CARS1: variants seen among roughly 807,000 people sequenced by gnomAD.
CARS1 encodes cysteine--tRNA ligase, cytoplasmic.
CARS1 carries 48 observed loss-of-function variants against 106.2 expected under a neutral mutation model. That is an observed-to-expected ratio of 0.45 (90% CI 0.36 to 0.57). The LOEUF (loss-of-function observed/expected upper bound fraction) is 0.57. CARS1 is among the 20% of genes least tolerant of loss of function. The pLI is 0.00. For synonymous variants in CARS1, 409 were observed against 403.4 expected, an observed-to-expected ratio of 1.01 and a Z score of -0.17; for missense variants, 968 against 1,057.2, an observed-to-expected ratio of 0.92 and a Z score of 1.17.
intron 10 of CARS1, among the ~76,000 whole-genome samples, chr11:3,023,473 C>T (rs577951498): frequency 2.9e-4 from 44 of 152,346 alleles, no homozygotes; most frequent in African/African-American, 1.0e-3. Context: ...CAGCTCACTA[C>T]AGCCTCGACC....
Position 3,028,729 on chromosome 11 carries a change from G to T in CARS1, c.1031+267C>A. On this transcript the variant is annotated intron_variant, in intron 9 of 22. Transcript: ENST00000380525. The surrounding 1 kb of genome is among the most constrained non-coding windows in gnomAD (Gnocchi z 4.4). ...CGCACTCACCATTATGCAGCTCTGG[G>T]GCCCCATGACTGATGGTCTTGGCTG... 1 of 507,610 alleles carries T rather than the reference G, an allele frequency of 2.0e-6. No individual in the cohort carries two copies. The highest frequency in any genetic ancestry group is 3.5e-6 in the Non-Finnish European group (1 of 287,290). 31.4% of individuals were successfully genotyped at this position (507,610 alleles called of 1,614,324 possible).
In CARS1 at chr11:3,038,294, C is replaced by G; in HGVS notation, c.652-95G>C. 1 of 1,159,256 alleles carries G rather than the reference C, an allele frequency of 8.6e-7. No individual in the cohort carries two copies. The highest frequency in any genetic ancestry group is 1.3e-6 in the Non-Finnish European group (1 of 791,890). 71.8% of individuals were successfully genotyped at this position (1,159,256 alleles called of 1,614,324 possible). ...CCAGGTAGAAAACAGAACGGTTTTT[C>G]CCATGGCCCCATAGAGATAGAGAAG... On this transcript the variant is annotated intron_variant, in intron 6 of 22. Transcript: ENST00000380525. This position sits in a 1 kb window ranked among gnomAD's most constrained non-coding sequence, Gnocchi z 4.0.
rs562609720 is a variant in CARS1 at position 3,007,129 on chromosome 11, C to G, written c.2069-170G>C. 1.9e-4 allele frequency: 120 copies of G among 615,756 alleles called. No individual in the cohort carries two copies. The South Asian group carries it at 2.2e-3, about 11-fold the overall frequency. 38.1% of individuals were successfully genotyped at this position (615,756 alleles called of 1,614,324 possible). On this transcript the variant is annotated intron_variant, in intron 18 of 22. Coordinates refer to ENST00000380525, the MANE Select transcript of CARS1 (RefSeq NM_001014437.3). The stretch of plus-strand genomic sequence containing the variant: ...CACAGAACGAGTACCTCCTCCAGTG[C>G]TTGGGAGGGAGGGCCCAGCAGCTTG...
chr11:3,016,396 A>AT (rs763415577), intron 16 of CARS1, among the ~76,000 whole-genome samples: 17 of 150,848 alleles, frequency 1.1e-4, no homozygotes, highest in South Asian at 4.2e-4. Context: ...AGTTTTTTGT[A>AT]TTTTTTTTAG....
In CARS1 at chr11:3,004,064, C is replaced by T. The variant is rs1590309695; in HGVS notation, c.2217+1302G>A. On this transcript the variant is annotated intron_variant, in intron 20 of 22. Coordinates refer to ENST00000380525, the MANE Select transcript of CARS1 (RefSeq NM_001014437.3). The surrounding 1 kb of genome is among the most constrained non-coding windows in gnomAD (Gnocchi z 5.2). ...AGTGCAGCAAGCCAGGGCGTCTGCA[C>T]AGCCAGCACCAGGCCACCTCACAGC... Among the ~76,000 whole-genome samples the T allele has an allele frequency of 6.6e-6, 1 of 152,200 alleles. No individual in the cohort carries two copies. Among genetic ancestry groups the T allele is most frequent in the African/African-American group, 2.4e-5 (1 of 41,442 alleles).
intron 7 of CARS1, among the ~76,000 whole-genome samples, chr11:3,031,996 T>TTCCTTCCCTCCC (rs1365442301): frequency 2.5e-4 from 4 of 16,038 alleles, no homozygotes; most frequent in South Asian, 4.2e-3. Context: ...CCTTCCTTCC[T>TTCCTTCCCTCCC]TCCCTCCCTC....
In CARS1 at chr11:3,029,503, G is replaced by C; in HGVS notation, c.802-60C>G. The C allele has an allele frequency of 1.3e-6, 2 of 1,580,108 alleles. No homozygotes were observed. The highest frequency in any genetic ancestry group is 1.1e-5 in the South Asian group (1 of 89,146). ...CACACACTTCACATGAGAACATCTC[G>C]TGCAGCTGGTGTGAGCCCATCAGTG... On this transcript the variant is annotated intron_variant, in intron 7 of 22. Coordinates refer to ENST00000380525, the MANE Select transcript of CARS1 (RefSeq NM_001014437.3). The surrounding 1 kb of genome is among the most constrained non-coding windows in gnomAD (Gnocchi z 5.9).
rs1855512769 is a variant in CARS1, at chr11:3,050,122, G to A, written c.26-2121C>T. On this transcript the variant is annotated intron_variant, in intron 1 of 22. Transcript: ENST00000380525. This position sits in a 1 kb window ranked among gnomAD's most constrained non-coding sequence, Gnocchi z 6.3. ...CCGTGGCTGCCGGAGAAGATGTCCT[G>A]AAGCCACCTCTTCTCTGCAGTAAAG... Among the ~76,000 whole-genome samples, 1 of 152,208 alleles carries A rather than the reference G, an allele frequency of 6.6e-6. No homozygotes were observed. The highest frequency in any genetic ancestry group is 2.1e-4 in the South Asian group (1 of 4,830).
chr11:3,043,308 C>T lies in CARS1; in HGVS notation c.275-1052G>A, dbSNP rs920298060. 4.6e-5 allele frequency among the ~76,000 whole-genome samples: 7 copies of T among 152,194 alleles called. No homozygotes were observed. Among genetic ancestry groups the T allele is most frequent in the South Asian group, 2.1e-4 (1 of 4,808 alleles). On this transcript the variant is annotated intron_variant, in intron 2 of 22. Coordinates refer to ENST00000380525, the MANE Select transcript of CARS1 (RefSeq NM_001014437.3). This position sits in a 1 kb window ranked among gnomAD's most constrained non-coding sequence, Gnocchi z 4.0. ...CAGGGTGATTATTCACCCTCTGAAA[C>T]GTCAATCTGGCAAAGCTAGGTGTGG...
intron 17 of CARS1, 102 bp downstream of exon 17, chr11:3,015,679 G>T: frequency 9.9e-7 from 1 of 1,006,796 alleles, no homozygotes; most frequent in Non-Finnish European, 1.6e-6. Context: ...GAAGGGTCTG[G>T]TGTGGGTGGG....
chr11:3,010,464 G>A (rs913784914), intron 18 of CARS1, among the ~76,000 whole-genome samples: 1 of 152,260 alleles, frequency 6.6e-6, no homozygotes, highest in Non-Finnish European at 1.5e-5. Flanking sequence ...GCTGGTCCAG[G>A]CTTGGTTCAG....
chr11:3,055,488 G>C (rs1188106970), intron 1 of CARS1, among the ~76,000 whole-genome samples: 1 of 152,234 alleles, frequency 6.6e-6, no homozygotes, highest in Non-Finnish European at 1.5e-5. Flanking sequence ...GTGTGTGTGT[G>C]ATGGGAGGAG....
chr11:3,039,821 C>A lies in CARS1; in HGVS notation c.552+14G>T. Reference sequence around the variant, plus strand: ...CAATTGCATTTAAAATTTAATCTTACAAATTCCCTTTACCTTGTCATCAAT... The same window carrying A: ...CAATTGCATTTAAAATTTAATCTTAAAAATTCCCTTTACCTTGTCATCAAT... On this transcript the variant is annotated intron_variant, in intron 5 of 22. Transcript: ENST00000380525. The surrounding 1 kb of genome is among the most constrained non-coding windows in gnomAD (Gnocchi z 5.6). 7.4e-7 allele frequency: 1 copy of A among 1,351,730 alleles called. No individual in the cohort carries two copies. Among genetic ancestry groups the A allele is most frequent in the Non-Finnish European group, 1.0e-6 (1 of 972,528 alleles). 83.7% of individuals were successfully genotyped at this position (1,351,730 alleles called of 1,614,324 possible).
In CARS1 at chr11:3,044,807, G is replaced by C. The variant is rs1379852538; in HGVS notation, c.275-2551C>G. Among the ~76,000 whole-genome samples the C allele has an allele frequency of 6.6e-6, 1 of 152,136 alleles. No individual in the cohort carries two copies. The highest frequency in any genetic ancestry group is 1.5e-5 in the Non-Finnish European group (1 of 68,042). On this transcript the variant is annotated intron_variant, in intron 2 of 22. Coordinates refer to ENST00000380525, the MANE Select transcript of CARS1 (RefSeq NM_001014437.3). This position sits in a 1 kb window ranked among gnomAD's most constrained non-coding sequence, Gnocchi z 4.4. ...CTATGAACCGCTCATGAGAGACATG[G>C]CTTTGAAACAGGGATGTGGGAGGCT...
intron 7 of CARS1, among the ~76,000 whole-genome samples, chr11:3,035,160 C>G (rs1013100773): frequency 3.9e-5 from 6 of 152,144 alleles, no homozygotes; most frequent in African/African-American, 1.4e-4. Context: ...TAAGTTTCAG[C>G]ATGAGTTTTG....
In CARS1 at chr11:3,029,482, C is replaced by T. The variant is rs771015498; in HGVS notation, c.802-39G>A. 4.4e-6 allele frequency: 7 copies of T among 1,607,292 alleles called. No homozygotes were observed. The highest frequency in any genetic ancestry group is 3.3e-5 in the South Asian group (3 of 90,902). The stretch of plus-strand genomic sequence containing the variant: ...AACAAAAATCCAGCAGCGGGCCACA[C>T]ACTTCACATGAGAACATCTCGTGCA... On this transcript the variant is annotated intron_variant, in intron 7 of 22. Transcript: ENST00000380525. This position sits in a 1 kb window ranked among gnomAD's most constrained non-coding sequence, Gnocchi z 5.9.
chr11:3,054,666 A>C (rs1161800393), intron 1 of CARS1, among the ~76,000 whole-genome samples: 4 of 152,138 alleles, frequency 2.6e-5, no homozygotes, highest in African/African-American at 7.2e-5. Flanking sequence ...TGGTGGACAG[A>C]TTGCTTGACT....
intron 18 of CARS1, among the ~76,000 whole-genome samples, chr11:3,010,671 C>G (rs548095466): frequency 6.6e-6 from 1 of 152,228 alleles, no homozygotes; most frequent in African/African-American, 2.4e-5. Flanking sequence ...GTCCTGCACT[C>G]TCCTGCAGCC....
In CARS1 at chr11:3,052,027, G is replaced by A. The variant is rs1236229284; in HGVS notation, c.26-4026C>T. Among the ~76,000 whole-genome samples, 1 of 152,258 alleles carries A rather than the reference G, an allele frequency of 6.6e-6. No individual in the cohort carries two copies. Among genetic ancestry groups the A allele is most frequent in the Non-Finnish European group, 1.5e-5 (1 of 68,046 alleles). ...CAGTGACGATGGTTGATGAGAGGGG[G>A]TGACAGGTGATTTTAATTCCCTCTT... On this transcript the variant is annotated intron_variant, in intron 1 of 22. Transcript: ENST00000380525. The surrounding 1 kb of genome is among the most constrained non-coding windows in gnomAD (Gnocchi z 4.6).
Sources: allele counts gnomAD v4.1 joint callset (sites outside exome capture counted in the v4.1 genomes callset), GRCh38; gene constraint gnomAD v4.1.1; non-coding constraint Gnocchi (gnomAD v3.1); transcripts MANE v1.5; gene names NCBI Gene and HGNC (gene_info 2026-07-23, HGNC 2026-07-21).